The following CDH22 variants were observed in gnomAD, a reference collection of about 807,000 sequenced individuals.
CDH22 encodes the protein cadherin-22.
Under a neutral mutation model 58.4 loss-of-function variants are expected in CDH22, and 30 were observed. The observed-to-expected ratio is 0.51, with a 90% CI of 0.38 to 0.70. The LOEUF (loss-of-function observed/expected upper bound fraction) is 0.70. Among genes scored for constraint, CDH22 ranks in the 30% least tolerant of loss-of-function variants. The probability of loss-of-function intolerance (pLI) is 0.00; values close to 1 mark genes in which losing one functional copy is unlikely to be tolerated. For synonymous variants in CDH22, 513 were observed against 558.2 expected, an observed-to-expected ratio of 0.92 and a Z score of 1.14; for missense variants, 1,014 against 1,233.9, an observed-to-expected ratio of 0.82 and a Z score of 2.67.
chr20:46,243,196 G>A (rs1456717804), intron 2 of CDH22, among the ~76,000 whole-genome samples: 6 of 152,220 alleles, frequency 3.9e-5, no homozygotes, highest in African/African-American at 1.4e-4. Context: ...GAAGAGGGAC[G>A]AAAGCCCATC....
rs2059032658 is a variant in CDH22 at position 46,308,272 on chromosome 20, G to C, written c.-417C>G. Reference sequence around the variant, plus strand: ...GCTCTTACCTCGGGGAGCGGCCCGGGGCTCCCCCTAGTCCTGCCGCCTCGG... The same window carrying C: ...GCTCTTACCTCGGGGAGCGGCCCGGCGCTCCCCCTAGTCCTGCCGCCTCGG... On this transcript the variant is annotated 5_prime_UTR_variant, in exon 1 of 12. Coordinates refer to ENST00000537909, the MANE Select transcript of CDH22 (RefSeq NM_021248.3). This position sits in a 1 kb window ranked among gnomAD's most constrained non-coding sequence, Gnocchi z 4.3. 1 of 158,126 alleles carries C rather than the reference G, an allele frequency of 6.3e-6. No homozygotes were observed. Among genetic ancestry groups the C allele is most frequent in the Non-Finnish European group, 1.4e-5 (1 of 72,126 alleles). 9.8% of individuals were successfully genotyped at this position (158,126 alleles called of 1,614,324 possible).
intron 1 of CDH22, among the ~76,000 whole-genome samples, chr20:46,299,327 T>C (rs1174260146): frequency 6.6e-6 from 1 of 152,080 alleles, no homozygotes; most frequent in Non-Finnish European, 1.5e-5. Flanking sequence ...AAATACTGCC[T>C]CCCCCACGAA....
At chr20:46,240,934 A>C (rs2086284888) in intron 3 of CDH22, 29 bp downstream of exon 3, 1 of 1,593,130 alleles carries the variant, frequency 6.3e-7, no homozygotes, top group African/African-American at 1.3e-5. Context: ...CCTTGATCCC[A>C]TCCCCCACCC....
rs552440068 is a variant in CDH22 at position 46,218,471 on chromosome 20, C to G, written c.671-1478G>C. Among the ~76,000 whole-genome samples, 5 of 152,338 alleles carry G rather than the reference C, an allele frequency of 3.3e-5. No individual in the cohort carries two copies. In the South Asian group the frequency reaches 1.0e-3, roughly 32 times the overall value. ...GGACTCACGTCCACACTCATGTACA[C>G]TCACTATGCTGTCACACTCACCTGT... On this transcript the variant is annotated intron_variant, in intron 4 of 11. Coordinates refer to ENST00000537909, the MANE Select transcript of CDH22 (RefSeq NM_021248.3).
At chr20:46,281,450 GA>G (rs1005751506) in intron 1 of CDH22, among the ~76,000 whole-genome samples, 37 of 100,354 alleles carry the variant, frequency 3.7e-4, no homozygotes, top group African/African-American at 9.8e-4. Flanking sequence ...TTTGTAAATG[GA>G]AAAAAATCAC....
intron 1 of CDH22, among the ~76,000 whole-genome samples, chr20:46,305,378 G>A (rs111878040): frequency 6.6e-6 from 1 of 152,224 alleles, no homozygotes; most frequent in African/African-American, 2.4e-5. Flanking sequence ...GGGGTGGAGG[G>A]TGTGCCCACT....
Position 46,303,154 on chromosome 20 carries a change from G to T in CDH22, c.-400+5101C>A, listed in dbSNP as rs1049354894. Reference sequence around the variant, plus strand: ...GGCTGCTGCCCACCTCGCTGGCCTGGTTTCCCATGACTCCCACTCCCTGAA... The same window carrying T: ...GGCTGCTGCCCACCTCGCTGGCCTGTTTTCCCATGACTCCCACTCCCTGAA... On this transcript the variant is annotated intron_variant, in intron 1 of 11. Coordinates refer to ENST00000537909, the MANE Select transcript of CDH22 (RefSeq NM_021248.3). Among the ~76,000 whole-genome samples the T allele has an allele frequency of 7.9e-5, 12 of 152,284 alleles. No individual in the cohort carries two copies. In the South Asian group the frequency reaches 1.7e-3, roughly 21 times the overall value.
In CDH22 at chr20:46,216,926, C is replaced by T. The variant is rs1038164684; in HGVS notation, c.738G>A (p.Gln246=). 3 of 1,610,630 alleles carry T rather than the reference C, an allele frequency of 1.9e-6. No homozygotes were observed. The Admixed American group carries it at 5.0e-5, about 27-fold the overall frequency. Residue 246 remains glutamine (Q), a synonymous_variant, in exon 5 of 12, where the codon CAG becomes CAA. Coordinates refer to ENST00000537909, the MANE Select transcript of CDH22 (RefSeq NM_021248.3). The surrounding 1 kb of genome is among the most constrained non-coding windows in gnomAD (Gnocchi z 5.3). ...CCAGCTGACCCGCCATGTCTGTGGC[C>T]TGGATCACCACCTCGTAGCGCTCCT... ...ESQERYEVVI[Q]ATDMAGQLGG...
rs115587329 is a variant in CDH22 at position 46,302,825 on chromosome 20, G to A, written c.-400+5430C>T. Among the ~76,000 whole-genome samples, 73 of 151,930 alleles carry A rather than the reference G, an allele frequency of 4.8e-4. No individual in the cohort carries two copies. In the East Asian group the frequency reaches 0.011, roughly 23 times the overall value. On this transcript the variant is annotated intron_variant, in intron 1 of 11. Transcript: ENST00000537909. ...TGAAAGCCCTTCTCCTCTTCATTTC[G>A]CATCTTCACAACCCACACAGCCTCC...
Position 46,174,652 on chromosome 20 carries a change from G to T in CDH22, c.2341C>A (p.Pro781Thr). Residue 781 changes from proline (P) to threonine (T), a missense_variant, in exon 12 of 12, where the codon CCG becomes ACG. By Grantham distance (38) the Pro-to-Thr change is conservative. Transcript: ENST00000537909. This position sits in a 1 kb window ranked among gnomAD's most constrained non-coding sequence, Gnocchi z 4.4. ...QTYAFEGADS[P>T]AASLSSLHSG... ...TGCAGGGAGCTGAGCGAGGCGGCCG[G>T]CGAGTCCGCGCCCTCGAAGGCGTAG... The T allele has an allele frequency of 6.4e-7, 1 of 1,555,662 alleles. No homozygotes were observed. The highest frequency in any genetic ancestry group is 8.6e-7 in the Non-Finnish European group (1 of 1,157,166).
chr20:46,307,333 C>T (rs990557591), intron 1 of CDH22, among the ~76,000 whole-genome samples: 1 of 152,226 alleles, frequency 6.6e-6, no homozygotes, highest in Non-Finnish European at 1.5e-5. Context: ...GAAGAGGCAG[C>T]GGGGAGGCGC....
chr20:46,296,465 A>G (rs1302091101), intron 1 of CDH22, among the ~76,000 whole-genome samples: 1 of 152,256 alleles, frequency 6.6e-6, no homozygotes, highest in Non-Finnish European at 1.5e-5. Context: ...TCTGACTGCC[A>G]TTAGCAAAAG....
chr20:46,242,629 A>G (rs1211661466), intron 2 of CDH22, among the ~76,000 whole-genome samples: 1 of 152,144 alleles, frequency 6.6e-6, no homozygotes, highest in Admixed American at 6.5e-5. Context: ...GCCAGGCAGG[A>G]ACCCTTCAGT....
intron 5 of CDH22, among the ~76,000 whole-genome samples, chr20:46,213,405 G>A (rs894285654): frequency 6.6e-6 from 1 of 152,178 alleles, no homozygotes; most frequent in Admixed American, 6.5e-5. Context: ...TGACCTTTGG[G>A]TTTATTCACT....
intron 3 of CDH22, among the ~76,000 whole-genome samples, chr20:46,228,621 C>G (rs979972309): frequency 1.3e-5 from 2 of 152,118 alleles, no homozygotes; most frequent in African/African-American, 4.8e-5. Flanking sequence ...CCACCCAAAC[C>G]TTTCCAGAAA....
In CDH22 at chr20:46,174,549, A is replaced by T; in HGVS notation, c.2444T>A (p.Leu815His). ...GTCGTCCCCGCGGTGGCCGGCGTAG[A>T]GCGCGGCCAGGGGCCGGAAGCGCGG... is the stretch of plus-strand genomic sequence containing the variant. ...WGPRFRPLAA[L>H]YAGHRGDDEA... The change falls in exon 12 of 12, where the codon CTC becomes CAC. Residue 815 changes from leucine to histidine, a missense_variant. Leu to His is a moderately conservative substitution (Grantham distance 99). This residue lies in a region of CDH22 where 208 missense variants were observed against 195.2 expected (regional missense o/e 1.07). Transcript: ENST00000537909. This position sits in a 1 kb window ranked among gnomAD's most constrained non-coding sequence, Gnocchi z 4.4. 6.6e-7 allele frequency: 1 copy of T among 1,524,642 alleles called. No homozygotes were observed. Among genetic ancestry groups the T allele is most frequent in the Non-Finnish European group, 8.8e-7 (1 of 1,141,976 alleles). The allele number at this position is 1,524,642 out of a possible 1,614,324, so 94.4% of individuals were successfully genotyped here.
chr20:46,282,839 G>A (rs577660567), intron 1 of CDH22, among the ~76,000 whole-genome samples: 1 of 152,186 alleles, frequency 6.6e-6, no homozygotes, highest in East Asian at 1.9e-4. Context: ...GCCTAATTCT[G>A]GGCGTCACCA....
chr20:46,255,322 C>G (rs149575302), intron 1 of CDH22, among the ~76,000 whole-genome samples: 3 of 152,184 alleles, frequency 2.0e-5, no homozygotes, highest in Non-Finnish European at 4.4e-5. Context: ...AAGATCCCCA[C>G]TTTACAGAGG....
intron 5 of CDH22, among the ~76,000 whole-genome samples, chr20:46,214,649 A>G (rs985414442): frequency 1.3e-5 from 2 of 151,292 alleles, no homozygotes; most frequent in Non-Finnish European, 2.9e-5. Flanking sequence ...ACTCTCTCTC[A>G]CCTCCAGGCA....
Sources: gnomAD v4.1 joint callset for allele counts (sites outside exome capture counted in the v4.1 genomes callset) on GRCh38, gnomAD v4.1.1 for gene constraint, gnomAD v4.1.1 regional missense constraint, Gnocchi (gnomAD v3.1) non-coding constraint, MANE v1.5 for transcripts, NCBI Gene and HGNC (gene_info 2026-07-23, HGNC 2026-07-21) for gene names.